The following PCSK6 variants were observed in gnomAD, a reference collection of about 807,000 sequenced individuals.
The protein encoded by PCSK6 is proprotein convertase subtilisin/kexin type 6.
Under a neutral mutation model 123.3 loss-of-function variants are expected in PCSK6, and 85 were observed. The ratio of observed to expected loss-of-function variants is 0.69; its 90% CI spans 0.58 to 0.83. The LOEUF (loss-of-function observed/expected upper bound fraction) is 0.83. Among genes scored for constraint, PCSK6 ranks in the 40% least tolerant of loss-of-function variants. The pLI, the probability that PCSK6 is intolerant of heterozygous loss-of-function variation, is 0.00. For synonymous variants in PCSK6, 508 were observed against 516.0 expected (o/e 0.98, Z 0.21); for missense variants, 1,191 against 1,282.3 (o/e 0.93, Z 1.09).
At chr15:101,484,030 T>C (rs2057957853) in intron 1 of PCSK6, among the ~76,000 whole-genome samples, 1 of 152,246 alleles carries the variant, frequency 6.6e-6, no homozygotes, top group Non-Finnish European at 1.5e-5. Context: ...TGTATATAGG[T>C]ATATGCGTCA....
chr15:101,337,223 T>C (rs1032781309), intron 13 of PCSK6: 3 of 152,278 alleles, frequency 2.0e-5, no homozygotes, highest in Non-Finnish European at 4.4e-5. Context: ...CAGGATGGTC[T>C]TGGTCTCTTG....
chr15:101,369,755 AC>A (rs1278044985), intron 12 of PCSK6, among the ~76,000 whole-genome samples: 4 of 146,754 alleles, frequency 2.7e-5, no homozygotes, highest in African/African-American at 7.6e-5. Context: ...CTCCCAAAAA[AC>A]CATGTGCGAA....
Position 101,431,440 on chromosome 15 carries a change from G to C in PCSK6, c.537C>G (p.Arg179=). 6.2e-7 allele frequency: 1 copy of C among 1,613,800 alleles called. No homozygotes were observed. Among genetic ancestry groups the C allele is most frequent in the Non-Finnish European group, 8.5e-7 (1 of 1,179,846 alleles). Residue 179 remains arginine (R), a synonymous_variant, in exon 4 of 22, where the codon CGC becomes CGG. Coordinates refer to ENST00000611716, the MANE Select transcript of PCSK6 (RefSeq NM_002570.5). ...WYLHCGDKNS[R]CRSEMNVQAA... is the part of the protein sequence containing the mutation. ...CCTGGACATTCATTTCCGACCGGCA[G>C]CGACTGTTCTTGTCGCCACAATGCT...
At chr15:101,360,493 C>T (rs919053727) in intron 13 of PCSK6, among the ~76,000 whole-genome samples, 6 of 142,380 alleles carry the variant, frequency 4.2e-5, no homozygotes, top group Non-Finnish European at 7.7e-5. Flanking sequence ...CACTCCTGCC[C>T]GGGGGCCTTA....
chr15:101,447,398 C>T (rs1344770223), intron 1 of PCSK6, among the ~76,000 whole-genome samples: 1 of 152,154 alleles, frequency 6.6e-6, no homozygotes, highest in Non-Finnish European at 1.5e-5. Context: ...CAGAGATGTC[C>T]CCATTTCACA....
At chr15:101,340,035 A>G in intron 13 of PCSK6, among the ~76,000 whole-genome samples, 1 of 152,188 alleles carries the variant, frequency 6.6e-6, no homozygotes, top group Admixed American at 6.5e-5. Context: ...CATTATTAAA[A>G]TACACTTTAA....
At chr15:101,403,459 G>C (rs2042670675) in intron 6 of PCSK6, among the ~76,000 whole-genome samples, 1 of 151,350 alleles carries the variant, frequency 6.6e-6, no homozygotes, top group Admixed American at 6.6e-5. Context: ...AAAAATGGAG[G>C]TAGTAACAAT....
chr15:101,456,626 G>A (rs957932481), intron 1 of PCSK6, among the ~76,000 whole-genome samples: 5 of 152,162 alleles, frequency 3.3e-5, no homozygotes, highest in African/African-American at 7.2e-5. Flanking sequence ...TTTGCCTACC[G>A]GGCTCTCAGA....
At chr15:101,404,350 T>C (rs1241172337) in intron 6 of PCSK6, among the ~76,000 whole-genome samples, 2 of 152,176 alleles carry the variant, frequency 1.3e-5, no homozygotes, top group South Asian at 2.1e-4. Context: ...TATTTTGTCC[T>C]TTCTGGGTGG....
chr15:101,343,093 CAATTTT>C (rs142376533), intron 13 of PCSK6, among the ~76,000 whole-genome samples: 1 of 152,254 alleles, frequency 6.6e-6, no homozygotes, highest in East Asian at 1.9e-4. Flanking sequence ...TTTAATAGGA[CAATTTT>C]AATTTTATGT....
At chr15:101,473,091 T>C (rs916076836) in intron 1 of PCSK6, among the ~76,000 whole-genome samples, 1 of 152,184 alleles carries the variant, frequency 6.6e-6, no homozygotes, top group Admixed American at 6.5e-5. Context: ...TTTTCTTTTC[T>C]AGAGACAGAG....
In PCSK6 at chr15:101,431,217, G is replaced by A. The variant is rs113329932; in HGVS notation, c.657+103C>T. The A allele has an allele frequency of 7.5e-6, 9 of 1,195,594 alleles. No individual in the cohort carries two copies. The African/African-American group carries it at 7.6e-5, about 10-fold the overall frequency. 74.1% of individuals were successfully genotyped at this position (1,195,594 alleles called of 1,614,324 possible). A position where few individuals can be genotyped will look rare whatever the true frequency, so the allele number is the denominator to read the frequency against. ...AGTTTTCTTTACTGCCTAACTTAAT[G>A]GGGGCTGGGGGAGATCGGGACCTTA... On this transcript the variant is annotated intron_variant, in intron 4 of 21. Coordinates refer to ENST00000611716, the MANE Select transcript of PCSK6 (RefSeq NM_002570.5).
intron 6 of PCSK6, among the ~76,000 whole-genome samples, chr15:101,417,308 T>C (rs2055922460): frequency 6.6e-6 from 1 of 152,172 alleles, no homozygotes; most frequent in African/African-American, 2.4e-5. Flanking sequence ...CAGTCTTGGG[T>C]ATGTCTTTAT....
intron 6 of PCSK6, among the ~76,000 whole-genome samples, chr15:101,403,297 G>C (rs184068970): frequency 0.017 from 2,518 of 147,316 alleles, 53 homozygotes; most frequent in Non-Finnish European, 0.027. Context: ...GGGAGGGATA[G>C]CATTAGGAGA....
intron 13 of PCSK6, among the ~76,000 whole-genome samples, chr15:101,358,918 T>G (rs780303129): frequency 2.6e-5 from 4 of 152,178 alleles, no homozygotes; most frequent in Non-Finnish European, 5.9e-5. Flanking sequence ...GCAACTGCAG[T>G]GTCCCATGTG....
At chr15:101,489,237 C>CGTCCCCAAGCG (rs1159076812) in intron 1 of PCSK6, 137 bp downstream of exon 1, 1 of 461,924 alleles carries the variant, frequency 2.2e-6, no homozygotes, top group African/African-American at 2.4e-5. Context: ...GGCCGCCCGC[C>CGTCCCCAAGCG]GTCCCCAAGC....
At chr15:101,366,984 A>G (rs756559) in intron 12 of PCSK6, among the ~76,000 whole-genome samples, 61,274 of 151,986 alleles carry the variant, frequency 0.4, 13,629 homozygotes, top group East Asian at 0.59. Context: ...GGGGCATTTG[A>G]GGGAGATGAC....
At chr15:101,314,768 C>G (rs2039949786) in intron 19 of PCSK6, among the ~76,000 whole-genome samples, 1 of 152,172 alleles carries the variant, frequency 6.6e-6, no homozygotes, top group African/African-American at 2.4e-5. Flanking sequence ...CTCAAGGGGC[C>G]TCTTGAGGAC....
chr15:101,310,536 AG>A (rs1456476794), intron 20 of PCSK6, among the ~76,000 whole-genome samples: 1 of 152,254 alleles, frequency 6.6e-6, no homozygotes, highest in Non-Finnish European at 1.5e-5. Context: ...GTTACCATGA[AG>A]GGTTTAACTT....
Sources: gnomAD v4.1 joint callset for allele counts (sites outside exome capture counted in the v4.1 genomes callset) on GRCh38, gnomAD v4.1.1 for gene constraint, MANE v1.5 for transcripts, NCBI Gene and HGNC (gene_info 2026-07-23, HGNC 2026-07-21) for gene names.